KIAA1671: variants seen among roughly 807,000 people sequenced by gnomAD.
The protein encoded by KIAA1671 is KIAA1671.
KIAA1671 carries 52 observed loss-of-function variants against 131.2 expected under a neutral mutation model. The ratio of observed to expected loss-of-function variants is 0.40; its 90% confidence interval spans 0.32 to 0.50. The LOEUF (loss-of-function observed/expected upper bound fraction) is 0.50, where lower values mean the gene tolerates loss of function less well. KIAA1671 is among the 20% of genes least tolerant of loss of function. KIAA1671 has a pLI of 0.73. For synonymous variants in KIAA1671, 1,003 were observed against 961.6 expected (o/e 1.04, Z -0.80); for missense variants, 2,360 against 2,364.2 (o/e 1.00, Z 0.04).
In KIAA1671 at chr22:25,041,518, G is replaced by A. The variant is rs1926922465; in HGVS notation, c.4388G>A (p.Ser1463Asn). The part of the protein sequence containing the change: ...PCWWESGTGD[S>N]HKVLPRDLEK... ...TGGTGGGAGTCAGGGACTGGAGACA[G>A]TCACAAGGTAAGTACCGAGACACTT... The change falls in exon 5 of 13, where the codon AGT (serine) becomes AAT (asparagine). Residue 1463 changes from serine (S) to asparagine (N), a missense_variant. Coordinates refer to ENST00000358431, the MANE Select transcript of KIAA1671 (RefSeq NM_001145206.2). 1.9e-6 allele frequency: 3 copies of A among 1,540,184 alleles called. No individual in the cohort carries two copies. Among genetic ancestry groups the A allele is most frequent in the Non-Finnish European group, 2.6e-6 (3 of 1,142,794 alleles).
intron 1 of KIAA1671, among the ~76,000 whole-genome samples, chr22:24,998,563 A>C (rs1412556198): frequency 6.6e-6 from 1 of 151,760 alleles, no homozygotes; most frequent in Non-Finnish European, 1.5e-5. Context: ...CTAAAAATAC[A>C]AAAAAATTAG....
intron 6 of KIAA1671, among the ~76,000 whole-genome samples, chr22:25,081,185 C>T (rs1382637924): frequency 6.6e-6 from 1 of 152,120 alleles, no homozygotes; most frequent in Non-Finnish European, 1.5e-5. Flanking sequence ...CAACTATTTG[C>T]CCTCTCTGGG....
Position 25,028,435 on chromosome 22 carries a change from C to G in KIAA1671, c.436C>G (p.Leu146Val). The change falls in exon 3 of 13, where the codon CTC becomes GTC. Residue 146 changes from leucine (L) to valine (V), a missense_variant. By Grantham distance (32) the Leu-to-Val change is conservative. Around this residue, in one of 3 missense-constraint regions of KIAA1671, gnomAD observed 1,185 missense variants for 1,126.2 expected, o/e 1.05. Transcript: ENST00000358431. ...FLRPSSSTMILFETTKSGPAL... is the reference protein window; with the variant it reads ...FLRPSSSTMIVFETTKSGPAL... The stretch of plus-strand genomic sequence containing the variant: ...GCGGCCCAGCTCCAGCACCATGATT[C>G]TCTTCGAAACCACCAAAAGCGGCCC... The G allele has an allele frequency of 6.4e-7, 1 of 1,550,906 alleles. No individual in the cohort carries two copies.
At chr22:24,984,287 T>A (rs1042323300) in intron 1 of KIAA1671, among the ~76,000 whole-genome samples, 1 of 152,166 alleles carries the variant, frequency 6.6e-6, no homozygotes, top group African/African-American at 2.4e-5. Context: ...AGTACTTTTA[T>A]CTCTTGAGGA....
At chr22:25,145,950 A>G (rs1323047131) in intron 6 of KIAA1671, among the ~76,000 whole-genome samples, 1 of 152,004 alleles carries the variant, frequency 6.6e-6, no homozygotes, top group Non-Finnish European at 1.5e-5. Flanking sequence ...TAAAAGAAAA[A>G]AAAAAAAAAA....
intron 6 of KIAA1671, among the ~76,000 whole-genome samples, chr22:25,089,123 G>GT (rs897310896): frequency 6.6e-6 from 1 of 152,118 alleles, no homozygotes; most frequent in African/African-American, 2.4e-5. Context: ...GATTTAATGT[G>GT]TGTAGGAGGA....
intron 6 of KIAA1671, among the ~76,000 whole-genome samples, chr22:25,141,575 A>G (rs549305353): frequency 1.3e-5 from 2 of 152,146 alleles, no homozygotes; most frequent in South Asian, 2.1e-4. Flanking sequence ...GTATCTTTAT[A>G]TCTAGATCTA....
intron 6 of KIAA1671, among the ~76,000 whole-genome samples, chr22:25,081,927 A>G (rs574280004): frequency 6.6e-5 from 10 of 152,128 alleles, no homozygotes; most frequent in Non-Finnish European, 1.5e-4. Flanking sequence ...CCCGCTGGGT[A>G]GTGCATGTCT....
chr22:25,028,857 C>T lies in KIAA1671; in HGVS notation c.858C>T (p.Asp286=). The T allele has an allele frequency of 6.4e-7, 1 of 1,550,838 alleles. No homozygotes were observed. Among genetic ancestry groups the T allele is most frequent in the Non-Finnish European group, 8.7e-7 (1 of 1,146,806 alleles). Residue 286 remains aspartate, a synonymous_variant, in exon 3 of 13, where the codon GAC becomes GAT. Coordinates refer to ENST00000358431, the MANE Select transcript of KIAA1671 (RefSeq NM_001145206.2). ...WVRKPRPLSM[D]LTARFENKEA... is the part of the protein sequence containing the mutation. Reference sequence around the variant, plus strand: ...GGAAGCCCAGGCCCTTGTCCATGGACCTCACGGCCCGGTTTGAGAACAAAG... The same window carrying T: ...GGAAGCCCAGGCCCTTGTCCATGGATCTCACGGCCCGGTTTGAGAACAAAG...
intron 6 of KIAA1671, among the ~76,000 whole-genome samples, chr22:25,168,678 G>A (rs1933732038): frequency 6.6e-6 from 1 of 152,042 alleles, no homozygotes; most frequent in Non-Finnish European, 1.5e-5. Flanking sequence ...GGGAGACAGG[G>A]TGGGACTCCA....
At chr22:25,176,739 T>A (rs1934042420) in intron 8 of KIAA1671, 1 of 152,214 alleles carries the variant, frequency 6.6e-6, no homozygotes, top group Non-Finnish European at 1.5e-5. Context: ...CCCCACCCTT[T>A]CACTGGGGGG....
chr22:25,031,521 G>A (rs928387491), intron 3 of KIAA1671, among the ~76,000 whole-genome samples: 92 of 151,636 alleles, frequency 6.1e-4, no homozygotes, highest in Non-Finnish European at 1.1e-3. Flanking sequence ...TAGTAGAGAC[G>A]GGGTTTCACC....
chr22:25,136,201 C>T (rs1339420548), intron 6 of KIAA1671, among the ~76,000 whole-genome samples: 1 of 152,266 alleles, frequency 6.6e-6, no homozygotes, highest in South Asian at 2.1e-4. Flanking sequence ...CTTCATGTGC[C>T]TTTTATATAT....
intron 4 of KIAA1671, among the ~76,000 whole-genome samples, chr22:25,034,044 CTTTG>C (rs1426429118): frequency 6.8e-6 from 1 of 146,278 alleles, no homozygotes; most frequent in Non-Finnish European, 1.5e-5. Flanking sequence ...CCTCATGCCA[CTTTG>C]TTTTTTTTTT....
chr22:25,065,755 T>G (rs1393795465), intron 6 of KIAA1671, among the ~76,000 whole-genome samples: 1 of 152,006 alleles, frequency 6.6e-6, no homozygotes, highest in Non-Finnish European at 1.5e-5. Context: ...TTCTCCTGCC[T>G]CAGCCTCCCG....
chr22:24,959,749 G>A (rs879434730), intron 1 of KIAA1671, among the ~76,000 whole-genome samples: 1 of 152,142 alleles, frequency 6.6e-6, no homozygotes, highest in Non-Finnish European at 1.5e-5. Flanking sequence ...AAATAATTAT[G>A]GACTTGACTT....
intron 6 of KIAA1671, among the ~76,000 whole-genome samples, chr22:25,120,364 A>G (rs950711217): frequency 2.0e-5 from 3 of 152,178 alleles, no homozygotes; most frequent in Non-Finnish European, 4.4e-5. Flanking sequence ...GGCCTCACCC[A>G]ATTTCAGGTC....
At chr22:25,052,081 C>T (rs1381985760) in intron 6 of KIAA1671, 1 of 152,428 alleles carries the variant, frequency 6.6e-6, no homozygotes. Context: ...CCAGGCCCTT[C>T]CCGCCATGGG....
intron 6 of KIAA1671, among the ~76,000 whole-genome samples, chr22:25,101,811 A>G (rs1362330531): frequency 2.0e-5 from 3 of 152,164 alleles, no homozygotes; most frequent in African/African-American, 7.2e-5. Context: ...TTGAGTGTCA[A>G]GGGTGGACAG....
Sources: gnomAD v4.1 joint callset for allele counts (sites outside exome capture counted in the v4.1 genomes callset) on GRCh38, gnomAD v4.1.1 for gene constraint, gnomAD v4.1.1 regional missense constraint, MANE v1.5 for transcripts, NCBI Gene and HGNC (gene_info 2026-07-23, HGNC 2026-07-21) for gene names.